The following FUT9 variants were observed in gnomAD, a reference collection of about 807,000 sequenced individuals.
FUT9 encodes the protein 4-galactosyl-N-acetylglucosaminide 3-alpha-L-fucosyltransferase 9.
FUT9 carries 15 observed loss-of-function variants against 29.7 expected under a neutral mutation model. That is an observed-to-expected ratio of 0.51 (90% CI 0.34 to 0.78). The LOEUF is 0.78. Among genes scored for constraint, FUT9 ranks in the 30% least tolerant of loss-of-function variants. The probability of loss-of-function intolerance (pLI) is 0.01; values close to 1 mark genes in which losing one functional copy is unlikely to be tolerated. For synonymous variants in FUT9, 169 were observed against 153.7 expected (o/e 1.10, Z -0.74); for missense variants, 319 against 425.4 (o/e 0.75, Z 2.20).
chr6:96,146,811 TA>T lies in FUT9; in HGVS notation c.-9+32685del, dbSNP rs545565769. 5.5e-3 allele frequency among the ~76,000 whole-genome samples: 831 copies of T among 152,348 alleles called. 3 individuals are homozygous for T. Among genetic ancestry groups the T allele is most frequent in the Middle Eastern group, 0.02 (6 of 294 alleles). ...AAGATGAATCCAGGAGCCAGCTGAA[TA>T]TGCTCATGGGTCTGCTCAAGCCAAG... is the stretch of plus-strand genomic sequence containing the variant. On this transcript the variant is annotated intron_variant, in intron 2 of 2. Transcript: ENST00000302103.
intron 2 of FUT9, among the ~76,000 whole-genome samples, chr6:96,193,952 G>A (rs1407165958): frequency 1.3e-5 from 2 of 152,060 alleles, no homozygotes; most frequent in Non-Finnish European, 2.9e-5. Context: ...CTATCGCAAG[G>A]GCGAAAAACC....
At chr6:96,201,824 G>T (rs1488032386) in intron 2 of FUT9, among the ~76,000 whole-genome samples, 3 of 150,876 alleles carry the variant, frequency 2.0e-5, no homozygotes, top group Non-Finnish European at 4.4e-5. Context: ...TTAGTTCTGG[G>T]AGTGATCTAG....
chr6:96,082,564 T>C (rs1470694933), intron 1 of FUT9, among the ~76,000 whole-genome samples: 1 of 151,944 alleles, frequency 6.6e-6, no homozygotes, highest in Non-Finnish European at 1.5e-5. Context: ...ATGTTTTGTA[T>C]AGCAAATTTC....
At chr6:96,156,562 C>A (rs1333018968) in intron 2 of FUT9, among the ~76,000 whole-genome samples, 1 of 152,066 alleles carries the variant, frequency 6.6e-6, no homozygotes. Flanking sequence ...GCATAAATTC[C>A]AGGTGGCTCT....
intron 2 of FUT9, among the ~76,000 whole-genome samples, chr6:96,176,728 C>T (rs1334419375): frequency 3.3e-5 from 5 of 152,162 alleles, no homozygotes; most frequent in Non-Finnish European, 1.5e-5. Flanking sequence ...TGGCTCCTTG[C>T]TTCTGGCTTG....
At chr6:96,154,374 A>C (rs1772736391) in intron 2 of FUT9, among the ~76,000 whole-genome samples, 1 of 152,214 alleles carries the variant, frequency 6.6e-6, no homozygotes, top group Non-Finnish European at 1.5e-5. Flanking sequence ...GATTTTTCTT[A>C]GACTCCAACA....
At chr6:96,157,516 TAAAG>T (rs1772808175) in intron 2 of FUT9, among the ~76,000 whole-genome samples, 1 of 152,126 alleles carries the variant, frequency 6.6e-6, no homozygotes, top group Non-Finnish European at 1.5e-5. Context: ...ATTTTAGTTA[TAAAG>T]AAAGTTCCAG....
intron 1 of FUT9, among the ~76,000 whole-genome samples, chr6:96,097,879 A>G (rs980857935): frequency 2.0e-5 from 3 of 152,132 alleles, no homozygotes; most frequent in African/African-American, 7.2e-5. Context: ...TTATTTTAAG[A>G]AAGTCACCTT....
At chr6:96,103,777 C>T (rs7452117) in intron 1 of FUT9, among the ~76,000 whole-genome samples, 4 of 152,108 alleles carry the variant, frequency 2.6e-5, no homozygotes, top group South Asian at 2.1e-4. Flanking sequence ...TCTTTATTGA[C>T]GTATATTTGA....
At chr6:96,099,406 T>G (rs1771550653) in intron 1 of FUT9, among the ~76,000 whole-genome samples, 1 of 152,170 alleles carries the variant, frequency 6.6e-6, no homozygotes, top group African/African-American at 2.4e-5. Context: ...AAACTGTACA[T>G]GCTATTATGA....
intron 1 of FUT9, among the ~76,000 whole-genome samples, chr6:96,088,212 A>C (rs1163377346): frequency 2.0e-5 from 3 of 152,294 alleles, no homozygotes; most frequent in East Asian, 3.9e-4. Flanking sequence ...CACGTTGTGC[A>C]CATGTACCCT....
chr6:96,038,867 G>A (rs1770406904), intron 1 of FUT9, among the ~76,000 whole-genome samples: 1 of 151,978 alleles, frequency 6.6e-6, no homozygotes, highest in South Asian at 2.1e-4. Flanking sequence ...TGAAAATGTG[G>A]CTCTTCTTTA....
chr6:96,139,846 A>G (rs1432478497), intron 2 of FUT9, among the ~76,000 whole-genome samples: 1 of 152,004 alleles, frequency 6.6e-6, no homozygotes, highest in Non-Finnish European at 1.5e-5. Context: ...TGGGGCCTCC[A>G]TGCCTGTGAT....
chr6:96,155,575 A>G (rs1772765763), intron 2 of FUT9, among the ~76,000 whole-genome samples: 1 of 151,848 alleles, frequency 6.6e-6, no homozygotes, highest in Admixed American at 6.6e-5. Context: ...TGGGAGGCTG[A>G]GGAAGGAGAA....
chr6:96,156,934 T>A (rs1050639357), intron 2 of FUT9, among the ~76,000 whole-genome samples: 2 of 152,194 alleles, frequency 1.3e-5, no homozygotes, highest in African/African-American at 4.8e-5. Context: ...CATGTTACCA[T>A]GAAATGAAAT....
At chr6:96,045,112 C>T (rs149284770) in intron 1 of FUT9, among the ~76,000 whole-genome samples, 34 of 152,192 alleles carry the variant, frequency 2.2e-4, no homozygotes, top group African/African-American at 8.2e-4. Flanking sequence ...ACAGATGAAT[C>T]CTTCAGCAGG....
At chr6:96,146,813 T>C (rs1389086958) in intron 2 of FUT9, among the ~76,000 whole-genome samples, 2 of 150,584 alleles carry the variant, frequency 1.3e-5, no homozygotes, top group Admixed American at 1.3e-4. Flanking sequence ...CAGCTGAATA[T>C]GCTCATGGGT....
chr6:96,155,002 CA>C (rs1218541013), intron 2 of FUT9, among the ~76,000 whole-genome samples: 2 of 152,158 alleles, frequency 1.3e-5, no homozygotes, highest in African/African-American at 4.8e-5. Flanking sequence ...TGCAGTTACC[CA>C]AACTTTCTTA....
chr6:96,102,643 A>G (rs1771607397), intron 1 of FUT9, among the ~76,000 whole-genome samples: 1 of 152,186 alleles, frequency 6.6e-6, no homozygotes, highest in Non-Finnish European at 1.5e-5. Flanking sequence ...CTATAACTTT[A>G]CTTAAAATCA....
Sources: allele counts gnomAD v4.1 joint callset (sites outside exome capture counted in the v4.1 genomes callset), GRCh38; gene constraint gnomAD v4.1.1; transcripts MANE v1.5; gene names NCBI Gene and HGNC (gene_info 2026-07-23, HGNC 2026-07-21).